Variants in SLC43A2 observed in about 807,000 individuals in gnomAD.
SLC43A2 encodes large neutral amino acids transporter small subunit 4.
In SLC43A2, 38 loss-of-function variants were observed where a neutral mutation model predicts 63.2. The observed-to-expected ratio is 0.60, with a 90% CI of 0.46 to 0.79. SLC43A2 has a LOEUF of 0.79. Among genes scored for constraint, SLC43A2 ranks in the 30% least tolerant of loss-of-function variants. The pLI, the probability that SLC43A2 is intolerant of heterozygous loss-of-function variation, is 0.00. For missense variants in SLC43A2, 644 were observed against 756.2 expected, an observed-to-expected ratio of 0.85 and a Z score of 1.74; for synonymous variants, 322 against 331.0, an observed-to-expected ratio of 0.97 and a Z score of 0.30.
chr17:1,618,067 C>G (rs1302018068), intron 2 of SLC43A2, among the ~76,000 whole-genome samples: 1 of 152,228 alleles, frequency 6.6e-6, no homozygotes, highest in Non-Finnish European at 1.5e-5. Context: ...CCTCTGGCGC[C>G]AGGGCTGTAG....
intron 9 of SLC43A2, chr17:1,586,928 T>TCCCCCCCCCCCCCCCCCTCCC: frequency 1.6e-6 from 2 of 1,232,904 alleles, no homozygotes; most frequent in South Asian, 1.3e-5. Context: ...TCCCTGACAA[T>TCCCCCCCCCCCCCCCCCTCCC]CCCCCCCACC....
Position 1,593,926 on chromosome 17 carries a change from G to T in SLC43A2, c.502-647C>A, listed in dbSNP as rs1165300358. On this transcript the variant is annotated intron_variant, in intron 5 of 13. Transcript: ENST00000301335. This position sits in a 1 kb window ranked among gnomAD's most constrained non-coding sequence, Gnocchi z 5.3. ...GTGAGCTCGGCTCGTTGCAACCTCC[G>T]CCTCCCTGGTTCAAGTGATTCTCCT... is the stretch of plus-strand genomic sequence containing the variant. 6.6e-6 allele frequency among the ~76,000 whole-genome samples: 1 copy of T among 151,968 alleles called. No homozygotes were observed. The highest frequency in any genetic ancestry group is 6.6e-5 in the Admixed American group (1 of 15,224).
chr17:1,594,662 A>T (rs1451996679), intron 5 of SLC43A2, among the ~76,000 whole-genome samples: 1 of 136,544 alleles, frequency 7.3e-6, no homozygotes. Context: ...ATCTCGGCTC[A>T]CTGCAAGCTC....
In SLC43A2 at chr17:1,583,318, C is replaced by G; in HGVS notation, c.1236G>C (p.Lys412Asn). The G allele has an allele frequency of 6.2e-7, 1 of 1,614,176 alleles. No homozygotes were observed. The highest frequency in any genetic ancestry group is 8.5e-7 in the Non-Finnish European group (1 of 1,180,026). Residue 412 changes from lysine to asparagine, a missense_variant, in exon 11 of 14, where the codon AAG (lysine) becomes AAC (asparagine). Around this residue, in one of 3 missense-constraint regions of SLC43A2, gnomAD observed 528 missense variants for 623.6 expected, o/e 0.85. Coordinates refer to ENST00000301335, the MANE Select transcript of SLC43A2 (RefSeq NM_152346.3). The surrounding 1 kb of genome is among the most constrained non-coding windows in gnomAD (Gnocchi z 5.5). ...TCTTCTGGATCTGCCGGTCCCGCTT[C>G]TTCTTTTTCTTCTCGCCTCTGTGGA... ...KDANQGEKKKKKRDRQIQKIT... is the reference protein window; with the variant it reads ...KDANQGEKKKNKRDRQIQKIT...
At chr17:1,623,727 GCT>G (rs1908381890) in intron 2 of SLC43A2, among the ~76,000 whole-genome samples, 3 of 123,792 alleles carry the variant, frequency 2.4e-5, no homozygotes, top group South Asian at 2.8e-4. Flanking sequence ...TCTCCTCCAG[GCT>G]GTACCCTCCT....
At chr17:1,624,841 A>T (rs570336827) in intron 2 of SLC43A2, among the ~76,000 whole-genome samples, 106 of 152,098 alleles carry the variant, frequency 7.0e-4, no homozygotes, top group Non-Finnish European at 1.4e-3. Flanking sequence ...GGCCGCAGTG[A>T]GCTGTGATTG....
chr17:1,592,922 A>T (rs576694500), intron 6 of SLC43A2, among the ~76,000 whole-genome samples: 4 of 152,004 alleles, frequency 2.6e-5, no homozygotes, highest in African/African-American at 7.2e-5. Context: ...CTGGAAACAG[A>T]CTCACCCACC....
chr17:1,581,202 C>CCACATACACACACA, intron 11 of SLC43A2, among the ~76,000 whole-genome samples: 1 of 148,474 alleles, frequency 6.7e-6, no homozygotes, highest in South Asian at 2.2e-4. Flanking sequence ...TGCCCAGTGC[C>CCACATACACACACA]CACACACACA....
Position 1,578,381 on chromosome 17 carries a change from C to T in SLC43A2, c.1351-58G>A. ...GCCTTAAGGGACCGTCCCCTCAGCCCCCGCCCTCCAATTCCTGGGGGCCCT... is the reference window on the plus strand; with the variant it reads ...GCCTTAAGGGACCGTCCCCTCAGCCTCCGCCCTCCAATTCCTGGGGGCCCT... On this transcript the variant is annotated intron_variant, in intron 11 of 13. Coordinates refer to ENST00000301335, the MANE Select transcript of SLC43A2 (RefSeq NM_152346.3). This position sits in a 1 kb window ranked among gnomAD's most constrained non-coding sequence, Gnocchi z 6.5. The T allele has an allele frequency of 6.5e-7, 1 of 1,544,850 alleles. No homozygotes were observed.
intron 10 of SLC43A2, chr17:1,585,334 C>T (rs1333812576): frequency 4.1e-5 from 29 of 711,610 alleles, no homozygotes; most frequent in East Asian, 9.0e-5. Context: ...CTCCACCTCC[C>T]GGGTTCAAGC....
chr17:1,620,934 C>T (rs970519011), intron 2 of SLC43A2, among the ~76,000 whole-genome samples: 5 of 152,120 alleles, frequency 3.3e-5, no homozygotes, highest in Admixed American at 2.6e-4. Context: ...CTGCTCTGCT[C>T]ACCCCCGGCC....
At position 1,569,900 on chromosome 17, in the gene SLC43A2, T is replaced by C. The variant is rs2075820957; in HGVS notation, c.*5704A>G. On this transcript the variant is annotated 3_prime_UTR_variant, in exon 14 of 14. Coordinates refer to ENST00000301335, the MANE Select transcript of SLC43A2 (RefSeq NM_152346.3). ...CCTTACTTTTTTTTTTTTTTTTTTTTTTTTTGAGACGGAGTCTTGCTCTGT... is the reference window on the plus strand; with the variant it reads ...CCTTACTTTTTTTTTTTTTTTTTTTCTTTTTGAGACGGAGTCTTGCTCTGT... The C allele has an allele frequency of 6.9e-6, 1 of 145,670 alleles. No individual in the cohort carries two copies. The allele number at this position is 145,670 out of a possible 1,614,324, so 9.0% of individuals were successfully genotyped here.
intron 9 of SLC43A2, among the ~76,000 whole-genome samples, chr17:1,588,840 G>A (rs148897993): frequency 0.011 from 1,692 of 152,324 alleles, 23 homozygotes; most frequent in South Asian, 0.074. Flanking sequence ...CAGCGGCAAG[G>A]CCTGGAGTCT....
At chr17:1,595,553 C>A (rs1459890829) in intron 5 of SLC43A2, among the ~76,000 whole-genome samples, 4 of 152,042 alleles carry the variant, frequency 2.6e-5, no homozygotes, top group East Asian at 3.9e-4. Context: ...TCAAGCGAGT[C>A]TCCTGCCTCA....
intron 9 of SLC43A2, among the ~76,000 whole-genome samples, chr17:1,590,222 C>T (rs1904615163): frequency 6.6e-6 from 1 of 152,032 alleles, no homozygotes; most frequent in South Asian, 2.1e-4. Context: ...AGCTGAAGAC[C>T]TGCCCTGTTT....
In SLC43A2 at chr17:1,583,131, A is replaced by T. The variant is rs2151033791; in HGVS notation, c.1350+73T>A. 1 of 1,488,566 alleles carries T rather than the reference A, an allele frequency of 6.7e-7. No individual in the cohort carries two copies. The allele number at this position is 1,488,566 out of a possible 1,614,324, so 92.2% of individuals were successfully genotyped here. A position where few individuals can be genotyped will look rare whatever the true frequency, so the allele number is the denominator to read the frequency against. ...GTTGATGGCTTCCATGAAACATTAC[A>T]CACTTTTGAGTCTTTACATGTTCCT... is the stretch of plus-strand genomic sequence containing the variant. On this transcript the variant is annotated intron_variant, in intron 11 of 13. Transcript: ENST00000301335. This position sits in a 1 kb window ranked among gnomAD's most constrained non-coding sequence, Gnocchi z 5.5.
At position 1,624,849 on chromosome 17, in the gene SLC43A2, T is replaced by C. The variant is rs1908518156; in HGVS notation, c.160+2866A>G. ...GAGTCAAGGCCGCAGTGAGCTGTGA[T>C]TGCAACACTACATTCCAGACTGGGC... On this transcript the variant is annotated intron_variant, in intron 2 of 13. Transcript: ENST00000301335. Among the ~76,000 whole-genome samples, 8 of 152,122 alleles carry C rather than the reference T, an allele frequency of 5.3e-5. No homozygotes were observed. In the South Asian group the frequency reaches 1.7e-3, roughly 32 times the overall value.
intron 5 of SLC43A2, among the ~76,000 whole-genome samples, chr17:1,595,137 C>T (rs1028204133): frequency 1.6e-4 from 25 of 151,986 alleles, no homozygotes; most frequent in African/African-American, 3.6e-4. Context: ...AAAAATTAGC[C>T]GGATGTGGTG....
chr17:1,627,767 C>A lies in SLC43A2; in HGVS notation c.108G>T (p.Leu36=), dbSNP rs1339800066. 6.3e-7 allele frequency: 1 copy of A among 1,596,402 alleles called. No individual in the cohort carries two copies. The highest frequency in any genetic ancestry group is 8.5e-7 in the Non-Finnish European group (1 of 1,172,046). ...FSAVLLGWGS[L]LIMLKSEGFY... The stretch of plus-strand genomic sequence containing the variant: ...AGCCCTCTGACTTGAGCATGATGAG[C>A]AGCGAGCCCCAGCCCAGGAGGACTG... The change falls in exon 2 of 14, where the codon CTG becomes CTT. Residue 36 remains leucine (L), a synonymous_variant. Transcript: ENST00000301335.
Sources: gnomAD v4.1 joint callset for allele counts (sites outside exome capture counted in the v4.1 genomes callset) on GRCh38, gnomAD v4.1.1 for gene constraint, gnomAD v4.1.1 regional missense constraint, Gnocchi (gnomAD v3.1) non-coding constraint, MANE v1.5 for transcripts, NCBI Gene and HGNC (gene_info 2026-07-23, HGNC 2026-07-21) for gene names.